The following NFIC variants were observed in gnomAD, a reference collection of about 807,000 sequenced individuals.
NFIC encodes the protein nuclear factor 1 C-type.
NFIC carries 12 observed loss-of-function variants against 54.4 expected under a neutral mutation model. That is an observed-to-expected ratio of 0.22 (90% CI 0.14 to 0.36). The LOEUF is 0.36. NFIC is among the 10% of genes least tolerant of loss of function. The probability of loss-of-function intolerance (pLI) is 1.00; values close to 1 mark genes in which losing one functional copy is unlikely to be tolerated. For missense variants in NFIC, 575 were observed against 718.2 expected (o/e 0.80, Z 2.28); for synonymous variants, 322 against 319.2 (o/e 1.01, Z -0.09).
chr19:3,444,121 A>G (rs1330517659), intron 6 of NFIC, among the ~76,000 whole-genome samples: 2 of 139,582 alleles, frequency 1.4e-5, no homozygotes, highest in Non-Finnish European at 3.2e-5. Flanking sequence ...AGAGGAGGTC[A>G]GATGGGCGTG....
In NFIC at chr19:3,464,573, C is replaced by A; in HGVS notation, c.*1804C>A. 1.1e-6 allele frequency: 1 copy of A among 888,908 alleles called. No individual in the cohort carries two copies. Among genetic ancestry groups the A allele is most frequent in the Non-Finnish European group, 1.3e-6 (1 of 751,066 alleles). The allele number at this position is 888,908 out of a possible 1,614,324, so 55.1% of individuals were successfully genotyped here. ...TGACCTCCATGCCTAGGGAAAAACT[C>A]CCCCCACCACTGCCCCCTCCCCCGA... On this transcript the variant is annotated 3_prime_UTR_variant, in exon 11 of 11. Transcript: ENST00000443272.
intron 5 of NFIC, 62 bp downstream of exon 5, chr19:3,434,462 TG>T: frequency 6.6e-7 from 1 of 1,509,706 alleles, no homozygotes; most frequent in Non-Finnish European, 8.9e-7. Flanking sequence ...CCATCCCCTC[TG>T]GCCCGAGCTG....
intron 6 of NFIC, among the ~76,000 whole-genome samples, chr19:3,439,416 G>T (rs1467469391): frequency 7.1e-6 from 1 of 141,258 alleles, no homozygotes; most frequent in Non-Finnish European, 1.5e-5. Flanking sequence ...GCCGAGGCAG[G>T]CGGATCACCT....
intron 2 of NFIC, among the ~76,000 whole-genome samples, chr19:3,394,187 T>C (rs1452460666): frequency 1.3e-5 from 2 of 152,016 alleles, no homozygotes; most frequent in South Asian, 2.1e-4. Context: ...GGAAAAATTA[T>C]TGGTCTATTG....
At chr19:3,382,841 T>C (rs1417740283) in intron 2 of NFIC, among the ~76,000 whole-genome samples, 2 of 151,708 alleles carry the variant, frequency 1.3e-5, no homozygotes, top group African/African-American at 4.8e-5. Flanking sequence ...AGGAGGCCAG[T>C]GCATGCAGGG....
intron 6 of NFIC, among the ~76,000 whole-genome samples, chr19:3,439,417 C>T (rs1212665466): frequency 3.0e-5 from 4 of 132,178 alleles, no homozygotes; most frequent in East Asian, 2.5e-4. Context: ...CCGAGGCAGG[C>T]GGATCACCTG....
chr19:3,430,163 A>G (rs560693981), intron 3 of NFIC, among the ~76,000 whole-genome samples: 3 of 152,116 alleles, frequency 2.0e-5, no homozygotes, highest in Admixed American at 1.3e-4. Flanking sequence ...CATGATGTAC[A>G]ATGCATCATT....
intron 2 of NFIC, among the ~76,000 whole-genome samples, chr19:3,397,156 G>A (rs1019168466): frequency 6.6e-6 from 1 of 152,140 alleles, no homozygotes; most frequent in Non-Finnish European, 1.5e-5. Flanking sequence ...ACAACCACCC[G>A]CTGAGGTTGG....
At chr19:3,386,144 TG>T (rs1439805073) in intron 2 of NFIC, among the ~76,000 whole-genome samples, 1 of 149,984 alleles carries the variant, frequency 6.7e-6, no homozygotes, top group African/African-American at 2.4e-5. Flanking sequence ...CCCAGCACTT[TG>T]GGAGGCCAAG....
At chr19:3,432,823 T>C (rs2082142365) in intron 3 of NFIC, among the ~76,000 whole-genome samples, 1 of 150,960 alleles carries the variant, frequency 6.6e-6, no homozygotes, top group Non-Finnish European at 1.5e-5. Context: ...TACAGGCGCC[T>C]GCCACCACGC....
intron 6 of NFIC, among the ~76,000 whole-genome samples, chr19:3,443,816 C>T (rs1003955209): frequency 6.6e-6 from 1 of 152,130 alleles, no homozygotes. Flanking sequence ...TCAGGATGGC[C>T]CCACCCTAGA....
chr19:3,420,413 G>A (rs757137345), intron 2 of NFIC, among the ~76,000 whole-genome samples: 9 of 152,012 alleles, frequency 5.9e-5, no homozygotes, highest in South Asian at 4.1e-4. Flanking sequence ...GCGTGTGGGC[G>A]TGGTGGCACG....
In NFIC at chr19:3,466,947, A is replaced by G. The variant is rs2121990105; in HGVS notation, c.*4178A>G. ...CGCCTCCCTGTTTCTTGGAAAAGCT[A>G]CAGGGTCCCTGTAGGGCAAAATTCC... On this transcript the variant is annotated 3_prime_UTR_variant, in exon 11 of 11. Coordinates refer to ENST00000443272, the MANE Select transcript of NFIC (RefSeq NM_001245002.2). The surrounding 1 kb of genome is among the most constrained non-coding windows in gnomAD (Gnocchi z 4.8). 1 of 152,186 alleles carries G rather than the reference A, an allele frequency of 6.6e-6. No homozygotes were observed. Among genetic ancestry groups the G allele is most frequent in the South Asian group, 2.1e-4 (1 of 4,808 alleles). 9.4% of individuals were successfully genotyped at this position (152,186 alleles called of 1,614,324 possible).
At chr19:3,429,251 T>TACACACACACACACACACAC (rs1223236383) in intron 3 of NFIC, among the ~76,000 whole-genome samples, 1 of 27,568 alleles carries the variant, frequency 3.6e-5, no homozygotes, top group Non-Finnish European at 7.0e-5. Flanking sequence ...AAAAAAAATA[T>TACACACACACACACACACAC]ATACACACAC....
At position 3,463,878 on chromosome 19, in the gene NFIC, G is replaced by A. The variant is rs1441241380; in HGVS notation, c.*1109G>A. ...ACCCGCCCCCCCCTTTGTCCAGCTG[G>A]GACACGGAATGGCCGCGGGCCTCCT... On this transcript the variant is annotated 3_prime_UTR_variant, in exon 11 of 11. Coordinates refer to ENST00000443272, the MANE Select transcript of NFIC (RefSeq NM_001245002.2). The A allele has an allele frequency of 2.0e-6, 2 of 982,226 alleles. No individual in the cohort carries two copies. Among genetic ancestry groups the A allele is most frequent in the Non-Finnish European group, 2.4e-6 (2 of 828,408 alleles). The allele number at this position is 982,226 out of a possible 1,614,324, so 60.8% of individuals were successfully genotyped here.
In NFIC at chr19:3,466,583, A is replaced by G. The variant is rs1344909063; in HGVS notation, c.*3814A>G. 4 of 152,028 alleles carry G rather than the reference A, an allele frequency of 2.6e-5. No individual in the cohort carries two copies. Among genetic ancestry groups the G allele is most frequent in the South Asian group, 2.1e-4 (1 of 4,832 alleles). The allele number at this position is 152,028 out of a possible 1,614,324, so 9.4% of individuals were successfully genotyped here. On this transcript the variant is annotated 3_prime_UTR_variant, in exon 11 of 11. Transcript: ENST00000443272. This position sits in a 1 kb window ranked among gnomAD's most constrained non-coding sequence, Gnocchi z 4.8. ...CCAGACCACCACAGCTGGCCACGAC[A>G]TTGCCCTTAAGTAATATGCATTGGC...
At chr19:3,427,167 G>A (rs972426160) in intron 3 of NFIC, among the ~76,000 whole-genome samples, 3 of 151,936 alleles carry the variant, frequency 2.0e-5, no homozygotes, top group Non-Finnish European at 4.4e-5. Flanking sequence ...ACCCTGTGAT[G>A]CACCCGCCTC....
intron 6 of NFIC, among the ~76,000 whole-genome samples, chr19:3,443,946 C>T (rs2082331218): frequency 6.6e-6 from 1 of 152,224 alleles, no homozygotes; most frequent in African/African-American, 2.4e-5. Flanking sequence ...CTGTCCACTC[C>T]ACACACTCTG....
intron 6 of NFIC, among the ~76,000 whole-genome samples, chr19:3,436,635 C>T (rs1364609356): frequency 2.6e-5 from 4 of 151,674 alleles, no homozygotes; most frequent in Admixed American, 1.3e-4. Context: ...CCACCACACC[C>T]GGCTAATCTT....
Sources: allele counts gnomAD v4.1 joint callset (sites outside exome capture counted in the v4.1 genomes callset), GRCh38; gene constraint gnomAD v4.1.1; non-coding constraint Gnocchi (gnomAD v3.1); transcripts MANE v1.5; gene names NCBI Gene and HGNC (gene_info 2026-07-23, HGNC 2026-07-21).